The following LHX6 variants were observed in gnomAD, a reference collection of about 807,000 sequenced individuals.
LHX6 encodes LIM/homeobox protein Lhx6.
In LHX6, 15 loss-of-function variants were observed where a neutral mutation model predicts 47.1. The ratio of observed to expected loss-of-function variants is 0.32; its 90% CI spans 0.21 to 0.49. The LOEUF (loss-of-function observed/expected upper bound fraction) is 0.49, where lower values mean the gene tolerates loss of function less well. Among genes scored for constraint, LHX6 ranks in the 20% least tolerant of loss-of-function variants. The pLI, the probability that LHX6 is intolerant of heterozygous loss-of-function variation, is 0.99. For synonymous variants in LHX6, 242 were observed against 233.5 expected, an observed-to-expected ratio of 1.04 and a Z score of -0.33; for missense variants, 404 against 539.6, an observed-to-expected ratio of 0.75 and a Z score of 2.49.
chr9:122,220,954 C>G, intron 4 of LHX6: 1 of 304,836 alleles, frequency 3.3e-6, no homozygotes, highest in Non-Finnish European at 4.8e-6. Flanking sequence ...AAGAGCCCAT[C>G]TGAGTTTCAC....
chr9:122,205,409 A>C lies in LHX6; in HGVS notation c.1159-629T>G, dbSNP rs142951520. On this transcript the variant is annotated intron_variant, in intron 9 of 9. Coordinates refer to ENST00000394319, the MANE Select transcript of LHX6 (RefSeq NM_014368.5). ...CTCAGACACACTGGGTGCCCGATACACAGTGGGAGATCAGGACTGTCTGTC... is the reference window on the plus strand; with the variant it reads ...CTCAGACACACTGGGTGCCCGATACCCAGTGGGAGATCAGGACTGTCTGTC... 7.2e-5 allele frequency among the ~76,000 whole-genome samples: 11 copies of C among 152,344 alleles called. No individual in the cohort carries two copies. In the East Asian group the frequency reaches 2.1e-3, roughly 29 times the overall value.
Position 122,226,724 on chromosome 9 carries a change from T to G in LHX6, c.339+124A>C. 7.8e-7 allele frequency: 1 copy of G among 1,283,312 alleles called. No individual in the cohort carries two copies. Among genetic ancestry groups the G allele is most frequent in the Non-Finnish European group, 1.1e-6 (1 of 948,204 alleles). 79.5% of individuals were successfully genotyped at this position (1,283,312 alleles called of 1,614,324 possible). A position where few individuals can be genotyped will look rare whatever the true frequency, so the allele number is the denominator to read the frequency against. On this transcript the variant is annotated intron_variant, in intron 3 of 9. Transcript: ENST00000394319. This position sits in a 1 kb window ranked among gnomAD's most constrained non-coding sequence, Gnocchi z 6.5. ...GCAGACCCTAAGTCTTGCCCAAAGC[T>G]TCGCAGTCGGGCAGCAGTGGAGCCA...
At chr9:122,209,494 C>A (rs753254280) in intron 9 of LHX6, 120 bp downstream of exon 9, 4 of 1,451,898 alleles carry the variant, frequency 2.8e-6, no homozygotes, top group South Asian at 1.2e-5. Flanking sequence ...CTCAGCAGGC[C>A]GGGCAGACAG....
At chr9:122,211,288 G>A (rs76050354) in intron 8 of LHX6, among the ~76,000 whole-genome samples, 1 of 152,278 alleles carries the variant, frequency 6.6e-6, no homozygotes, top group African/African-American at 2.4e-5. Flanking sequence ...TAGAATAAAG[G>A]AGTTATATTA....
rs953483575 is a variant in LHX6, at chr9:122,214,304, G to A, written c.762C>T (p.Ser254=). 5.0e-6 allele frequency: 8 copies of A among 1,599,482 alleles called. No homozygotes were observed. The East Asian group carries it at 1.9e-4, about 37-fold the overall frequency. The change falls in exon 6 of 10, where the codon TCC becomes TCT. Residue 254 remains serine (S), a synonymous_variant. Coordinates refer to ENST00000394319, the MANE Select transcript of LHX6 (RefSeq NM_014368.5). The surrounding 1 kb of genome is among the most constrained non-coding windows in gnomAD (Gnocchi z 4.6). ...GTACCTGCAGCTGTTCCGCGGTGAA[G>A]GACGTCCGCGCGCGCTTGGCCGGCT... ...QPKPAKRART[S]FTAEQLQVMQ...
At chr9:122,215,723 G>GC (rs1830570801) in intron 5 of LHX6, among the ~76,000 whole-genome samples, 1 of 152,154 alleles carries the variant, frequency 6.6e-6, no homozygotes. Flanking sequence ...TTCACTAGAT[G>GC]CCCCCTTAGA....
chr9:122,227,809 G>C (rs940098229), intron 1 of LHX6: 1 of 369,920 alleles, frequency 2.7e-6, no homozygotes, highest in African/African-American at 2.1e-5. Context: ...CCTGCAATTA[G>C]AAATTGTCGT....
intron 8 of LHX6, among the ~76,000 whole-genome samples, chr9:122,212,563 G>A (rs753896728): frequency 1.6e-4 from 25 of 152,132 alleles, no homozygotes; most frequent in Non-Finnish European, 3.5e-4. Flanking sequence ...CAATTGATGG[G>A]AACAACTTCA....
chr9:122,228,270 G>T (rs1323076623), intron 1 of LHX6: 1 of 1,535,036 alleles, frequency 6.5e-7, no homozygotes, highest in East Asian at 2.5e-5. Context: ...TCAAGGGGAG[G>T]AAAAAGCACC....
chr9:122,219,616 G>GGGCC, intron 4 of LHX6, among the ~76,000 whole-genome samples: 1 of 152,254 alleles, frequency 6.6e-6, no homozygotes, highest in Middle Eastern at 3.4e-3. Flanking sequence ...ACCTTACTAC[G>GGGCC]GGCCGGGGTC....
Position 122,226,031 on chromosome 9 carries a change from G to A in LHX6, c.461+345C>T, listed in dbSNP as rs539321878. Among the ~76,000 whole-genome samples the A allele has an allele frequency of 6.6e-6, 1 of 152,306 alleles. No individual in the cohort carries two copies. The highest frequency in any genetic ancestry group is 6.5e-5 in the Admixed American group (1 of 15,308). ...CGACGGCTGGGATCCGAGTGGGTCC[G>A]GGCCAGAAATGGGGACCTCAGAGCT... On this transcript the variant is annotated intron_variant, in intron 4 of 9. Transcript: ENST00000394319. The surrounding 1 kb of genome is among the most constrained non-coding windows in gnomAD (Gnocchi z 6.5).
Position 122,226,588 on chromosome 9 carries a change from G to A in LHX6, c.340-91C>T, listed in dbSNP as rs544977600. On this transcript the variant is annotated intron_variant, in intron 3 of 9. Transcript: ENST00000394319. The surrounding 1 kb of genome is among the most constrained non-coding windows in gnomAD (Gnocchi z 6.5). ...CCCGGTCTCATTTACAGTCAGAGGCGCTGAAGCTCAGAAGGTGCATGCGAT... is the reference window on the plus strand; with the variant it reads ...CCCGGTCTCATTTACAGTCAGAGGCACTGAAGCTCAGAAGGTGCATGCGAT... 1 of 1,531,768 alleles carries A rather than the reference G, an allele frequency of 6.5e-7. No homozygotes were observed. Among genetic ancestry groups the A allele is most frequent in the Non-Finnish European group, 8.8e-7 (1 of 1,141,332 alleles). 94.9% of individuals were successfully genotyped at this position (1,531,768 alleles called of 1,614,324 possible). A position where few individuals can be genotyped will look rare whatever the true frequency, so the allele number is the denominator to read the frequency against.
Position 122,228,691 on chromosome 9 carries a change from C to A in LHX6, c.50G>T (p.Arg17Leu). ...NAAPALPEGC[R>L]LPAEGGPATD... ...GGCGGGGCCGCCCTCGGCCGGCAGCCGGCAGCCCTCGGGCAACGCCGGGGC... is the reference window on the plus strand; with the variant it reads ...GGCGGGGCCGCCCTCGGCCGGCAGCAGGCAGCCCTCGGGCAACGCCGGGGC... Residue 17 changes from arginine (R) to leucine (L), a missense_variant, in exon 1 of 10, where the codon CGG becomes CTG. Physicochemically the swap from Arg to Leu is moderately radical, Grantham distance 102. Coordinates refer to ENST00000394319, the MANE Select transcript of LHX6 (RefSeq NM_014368.5). 5 of 1,291,488 alleles carry A rather than the reference C, an allele frequency of 3.9e-6. No individual in the cohort carries two copies. The highest frequency in any genetic ancestry group is 4.9e-6 in the Non-Finnish European group (5 of 1,019,886). The allele number at this position is 1,291,488 out of a possible 1,614,324, so 80.0% of individuals were successfully genotyped here.
intron 8 of LHX6, among the ~76,000 whole-genome samples, chr9:122,211,763 T>C (rs530169488): frequency 6.6e-6 from 1 of 152,130 alleles, no homozygotes; most frequent in East Asian, 1.9e-4. Context: ...ATGGACAGAG[T>C]CCTGGCAGGG....
chr9:122,220,574 T>C, intron 4 of LHX6, among the ~76,000 whole-genome samples: 1 of 152,214 alleles, frequency 6.6e-6, no homozygotes, highest in East Asian at 1.9e-4. Context: ...AAGAAACAGA[T>C]GTGCAGGAAC....
chr9:122,226,696 C>T lies in LHX6; in HGVS notation c.339+152G>A. ...ATTTTTCAGACGGAACCCGGGGGCTCAGGCAGACCCTAAGTCTTGCCCAAA... is the reference window on the plus strand; with the variant it reads ...ATTTTTCAGACGGAACCCGGGGGCTTAGGCAGACCCTAAGTCTTGCCCAAA... On this transcript the variant is annotated intron_variant, in intron 3 of 9. Coordinates refer to ENST00000394319, the MANE Select transcript of LHX6 (RefSeq NM_014368.5). This position sits in a 1 kb window ranked among gnomAD's most constrained non-coding sequence, Gnocchi z 6.5. 8.3e-7 allele frequency: 1 copy of T among 1,203,014 alleles called. No individual in the cohort carries two copies. Among genetic ancestry groups the T allele is most frequent in the Non-Finnish European group, 1.1e-6 (1 of 883,684 alleles). 74.5% of individuals were successfully genotyped at this position (1,203,014 alleles called of 1,614,324 possible). A position where few individuals can be genotyped will look rare whatever the true frequency, so the allele number is the denominator to read the frequency against.
intron 4 of LHX6, among the ~76,000 whole-genome samples, chr9:122,223,047 C>G (rs1194016102): frequency 6.6e-6 from 1 of 152,254 alleles, no homozygotes; most frequent in South Asian, 2.1e-4. Flanking sequence ...TTCACACTCT[C>G]TCCAGGAAGA....
At chr9:122,209,497 G>A in intron 9 of LHX6, 117 bp downstream of exon 9, 2 of 1,484,114 alleles carry the variant, frequency 1.3e-6, no homozygotes, top group Non-Finnish European at 1.8e-6. Flanking sequence ...AGCAGGCCGG[G>A]CAGACAGGGT....
intron 5 of LHX6, 135 bp downstream of exon 5, chr9:122,216,933 A>C (rs1588348113): frequency 2.9e-6 from 2 of 699,448 alleles, no homozygotes; most frequent in Non-Finnish European, 4.7e-6. Context: ...TCGCCGCCCC[A>C]CCCCTACGCT....
Sources: allele counts gnomAD v4.1 joint callset (sites outside exome capture counted in the v4.1 genomes callset), GRCh38; gene constraint gnomAD v4.1.1; non-coding constraint Gnocchi (gnomAD v3.1); transcripts MANE v1.5; gene names NCBI Gene and HGNC (gene_info 2026-07-23, HGNC 2026-07-21).